MYO9B: variants seen among roughly 807,000 people sequenced by gnomAD.
MYO9B encodes myosin IXB.
Under a neutral mutation model 229.5 loss-of-function variants are expected in MYO9B, and 71 were observed. The observed-to-expected ratio is 0.31, with a 90% CI of 0.26 to 0.38. The LOEUF (loss-of-function observed/expected upper bound fraction) is 0.38, where lower values mean the gene tolerates loss of function less well. MYO9B is among the 10% of genes least tolerant of loss of function. The probability of loss-of-function intolerance (pLI) is 1.00; values close to 1 mark genes in which losing one functional copy is unlikely to be tolerated. For missense variants in MYO9B, 2,255 were observed against 2,920.5 expected, an observed-to-expected ratio of 0.77 and a Z score of 5.25; for synonymous variants, 1,185 against 1,235.8, an observed-to-expected ratio of 0.96 and a Z score of 0.86.
At chr19:17,113,472 G>A (rs961302360) in intron 2 of MYO9B, among the ~76,000 whole-genome samples, 5 of 152,206 alleles carry the variant, frequency 3.3e-5, no homozygotes, top group African/African-American at 9.7e-5. Flanking sequence ...CAAGACTCAG[G>A]CTAGCCCAGG....
chr19:17,175,098 C>T (rs2072771013), intron 13 of MYO9B, among the ~76,000 whole-genome samples: 1 of 151,732 alleles, frequency 6.6e-6, no homozygotes, highest in South Asian at 2.1e-4. Context: ...CATAGTGAGA[C>T]CCCATCTCTC....
chr19:17,193,695 T>C lies in MYO9B; in HGVS notation c.3128+633T>C, dbSNP rs749438974. Among the ~76,000 whole-genome samples, 12 of 152,168 alleles carry C rather than the reference T, an allele frequency of 7.9e-5. No homozygotes were observed. The highest frequency in any genetic ancestry group is 1.5e-4 in the Non-Finnish European group (10 of 68,002). On this transcript the variant is annotated intron_variant, in intron 21 of 39. Coordinates refer to ENST00000682292, the MANE Select transcript of MYO9B (RefSeq NM_004145.4). The surrounding 1 kb of genome is among the most constrained non-coding windows in gnomAD (Gnocchi z 4.3). Reference sequence around the variant, plus strand: ...GAGTTCAAGACCAGCCTGGCCAATATAGCAAGATGCCATCTCTACACAAAA... The same window carrying C: ...GAGTTCAAGACCAGCCTGGCCAATACAGCAAGATGCCATCTCTACACAAAA...
intron 14 of MYO9B, 64 bp downstream of exon 14, chr19:17,175,805 A>T: frequency 1.7e-6 from 2 of 1,199,332 alleles, no homozygotes; most frequent in East Asian, 2.6e-5. Flanking sequence ...GTTTCAAACA[A>T]CTTAGGGAAT....
intron 19 of MYO9B, among the ~76,000 whole-genome samples, chr19:17,189,287 A>G (rs1449242072): frequency 6.6e-6 from 1 of 152,150 alleles, no homozygotes; most frequent in Non-Finnish European, 1.5e-5. Flanking sequence ...TGACTGAGCC[A>G]CTGCATTCCA....
At chr19:17,134,389 T>G (rs1472992666) in intron 2 of MYO9B, among the ~76,000 whole-genome samples, 18 of 116,208 alleles carry the variant, frequency 1.5e-4, no homozygotes, top group Non-Finnish European at 1.8e-4. Flanking sequence ...TTGTTTTTTT[T>G]TTTTTTTTTT....
intron 35 of MYO9B, chr19:17,208,010 C>CA (rs59894440): frequency 0.53 from 72,018 of 136,178 alleles, 19,247 homozygotes; most frequent in East Asian, 0.77. Flanking sequence ...AACTCTATCT[C>CA]AAAAAAAAAA....
At chr19:17,082,737 T>C (rs888727867) in intron 1 of MYO9B, among the ~76,000 whole-genome samples, 4 of 151,992 alleles carry the variant, frequency 2.6e-5, no homozygotes, top group African/African-American at 7.3e-5. Context: ...GCGGAGAAAG[T>C]GTGATCGTAC....
chr19:17,096,484 C>T, intron 1 of MYO9B, among the ~76,000 whole-genome samples: 1 of 150,916 alleles, frequency 6.6e-6, no homozygotes, highest in East Asian at 1.9e-4. Context: ...AACCCCCTCT[C>T]TGCAAAAAAA....
At chr19:17,166,224 G>A (rs910235522) in intron 10 of MYO9B, among the ~76,000 whole-genome samples, 9 of 152,034 alleles carry the variant, frequency 5.9e-5, no homozygotes, top group African/African-American at 1.7e-4. Context: ...TGTATTTTTA[G>A]TAGAGACAGG....
rs146617451 is a variant in MYO9B at position 17,185,052 on chromosome 19, C to T, written c.2496+65C>T. ...AGCCTCAGGCTTGTGTAGCTTCACC[C>T]GACACCGAGCACAGCCCGTCTCTAG... is the stretch of plus-strand genomic sequence containing the variant. On this transcript the variant is annotated intron_variant, in intron 17 of 39. Transcript: ENST00000682292. 8.9e-5 allele frequency: 143 copies of T among 1,606,312 alleles called. No homozygotes were observed. The African/African-American group carries it at 1.7e-3, about 19-fold the overall frequency.
chr19:17,090,043 C>T (rs886823735), intron 1 of MYO9B, among the ~76,000 whole-genome samples: 1 of 146,904 alleles, frequency 6.8e-6, no homozygotes, highest in Non-Finnish European at 1.5e-5. Context: ...TATGGTCTTT[C>T]GTGTCTGACT....
intron 21 of MYO9B, among the ~76,000 whole-genome samples, 157 bp from the exon 22 acceptor site, chr19:17,194,399 C>G (rs184240050): frequency 6.6e-6 from 1 of 152,128 alleles, no homozygotes; most frequent in Non-Finnish European, 1.5e-5. Context: ...CTTTCCTGAT[C>G]GAGGAGATTC....
Position 17,193,165 on chromosome 19 carries a change from G to A in MYO9B, c.3128+103G>A. ...TACCATCTGGCCTGTGGCACTAAGG[G>A]GATGTCATTCTGGACACAGGGAAAG... On this transcript the variant is annotated intron_variant, in intron 21 of 39. Transcript: ENST00000682292. This position sits in a 1 kb window ranked among gnomAD's most constrained non-coding sequence, Gnocchi z 4.3. 1.6e-6 allele frequency: 2 copies of A among 1,264,352 alleles called. No homozygotes were observed. The highest frequency in any genetic ancestry group is 1.7e-5 in the South Asian group (1 of 57,416). 78.3% of individuals were successfully genotyped at this position (1,264,352 alleles called of 1,614,324 possible).
chr19:17,078,497 G>A (rs912131014), intron 1 of MYO9B, among the ~76,000 whole-genome samples: 2 of 152,080 alleles, frequency 1.3e-5, no homozygotes, highest in Non-Finnish European at 2.9e-5. Flanking sequence ...CCAAGATTGC[G>A]CCATTGCACT....
At chr19:17,169,802 CTTTTTTTTTTTT>C (rs762583073) in intron 11 of MYO9B, among the ~76,000 whole-genome samples, 2 of 106,588 alleles carry the variant, frequency 1.9e-5, no homozygotes, top group South Asian at 2.8e-4. Context: ...CTGTCTCCTC[CTTTTTTTTTTTT>C]TTTTTTTTTT....
chr19:17,212,139 C>T lies in MYO9B; in HGVS notation c.6303C>T (p.Ala2101=). The T allele has an allele frequency of 3.8e-6, 6 of 1,588,008 alleles. No homozygotes were observed. Among genetic ancestry groups the T allele is most frequent in the Non-Finnish European group, 5.1e-6 (6 of 1,168,364 alleles). The change falls in exon 40 of 40, where the codon GCC becomes GCT. Residue 2101 remains alanine (A), a synonymous_variant. Coordinates refer to ENST00000682292, the MANE Select transcript of MYO9B (RefSeq NM_004145.4). The surrounding 1 kb of genome is among the most constrained non-coding windows in gnomAD (Gnocchi z 5.4). ...CAGTGCGGCGCCGGGAGCCACCTGC[C>T]CGCCGCCCGGACCAGATACATTCCG... is the stretch of plus-strand genomic sequence containing the variant. The part of the protein sequence containing the change: ...AAPVRRREPP[A]RRPDQIHSVY...
intron 35 of MYO9B, 133 bp from the exon 36 acceptor site, chr19:17,209,453 A>G: frequency 1.1e-6 from 1 of 898,140 alleles, no homozygotes; most frequent in Non-Finnish European, 1.7e-6. Context: ...GAGCTGGCAC[A>G]GCCGTGTCCC....
chr19:17,191,058 ACT>A (rs750088627), intron 19 of MYO9B, 37 bp from the exon 20 acceptor site: 1 of 1,598,384 alleles, frequency 6.3e-7, no homozygotes, highest in African/African-American at 1.3e-5. Flanking sequence ...TGGCCAGAAC[ACT>A]CACCTAGATT....
In MYO9B at chr19:17,081,005, A is replaced by G. The variant is rs145455468; in HGVS notation, c.-59+5131A>G. 6.6e-3 allele frequency among the ~76,000 whole-genome samples: 999 copies of G among 152,192 alleles called. 9 individuals are homozygous for G. Among genetic ancestry groups the G allele is most frequent in the Middle Eastern group, 0.02 (6 of 294 alleles). On this transcript the variant is annotated intron_variant, in intron 1 of 39. Coordinates refer to ENST00000682292, the MANE Select transcript of MYO9B (RefSeq NM_004145.4). ...ATAATACTGAGAAAAGGACAAATTCAAATTACATTTTTATTTATTTGTTTA... is the reference window on the plus strand; with the variant it reads ...ATAATACTGAGAAAAGGACAAATTCGAATTACATTTTTATTTATTTGTTTA...
Sources: gnomAD v4.1 joint callset for allele counts (sites outside exome capture counted in the v4.1 genomes callset) on GRCh38, gnomAD v4.1.1 for gene constraint, Gnocchi (gnomAD v3.1) non-coding constraint, MANE v1.5 for transcripts, NCBI Gene and HGNC (gene_info 2026-07-23, HGNC 2026-07-21) for gene names.